Variants in PHACTR1 observed in about 807,000 individuals in gnomAD.
The protein encoded by PHACTR1 is RPEL repeat containing 1.
Under a neutral mutation model 69.2 loss-of-function variants are expected in PHACTR1, and 16 were observed. That is an observed-to-expected ratio of 0.23 (90% CI 0.16 to 0.35). The LOEUF is 0.35. Ranked by LOEUF, PHACTR1 falls within the 10% of genes least tolerant of loss-of-function variation. PHACTR1 has a pLI of 1.00. For missense variants in PHACTR1, 510 were observed against 734.7 expected (o/e 0.69, Z 3.54); for synonymous variants, 312 against 284.5 (o/e 1.10, Z -0.97).
intron 10 of PHACTR1, among the ~76,000 whole-genome samples, chr6:13,271,919 T>C (rs1019985384): frequency 2.0e-5 from 3 of 152,178 alleles, no homozygotes; most frequent in Non-Finnish European, 4.4e-5. Flanking sequence ...TAGGAGAGCA[T>C]CATTTCTACC....
chr6:12,933,733 C>T lies in PHACTR1; in HGVS notation c.251-119632C>T, dbSNP rs530975447. On this transcript the variant is annotated intron_variant, in intron 4 of 14. Coordinates refer to ENST00000332995, the MANE Select transcript of PHACTR1 (RefSeq NM_030948.6). ...TCGAACTGTGTTCCCTGGAAAACCA[C>T]GGCCTCCTGAAGACAGCCCCTACAT... The T allele has an allele frequency of 9.2e-5, 148 of 1,612,816 alleles. 1 individual carries two copies. The highest frequency in any genetic ancestry group is 3.3e-4 in the Middle Eastern group (2 of 6,062).
At chr6:12,736,857 T>C (rs1283437463) in intron 3 of PHACTR1, among the ~76,000 whole-genome samples, 1 of 152,178 alleles carries the variant, frequency 6.6e-6, no homozygotes, top group Non-Finnish European at 1.5e-5. Context: ...AATAACGTTT[T>C]ACTCCATTTG....
chr6:13,261,195 A>G (rs2127419648), intron 10 of PHACTR1, among the ~76,000 whole-genome samples: 1 of 152,340 alleles, frequency 6.6e-6, no homozygotes, highest in Middle Eastern at 3.4e-3. Context: ...GAGGTCTGGC[A>G]GCCAAGAGCA....
At chr6:12,783,205 C>A (rs1428566074) in intron 4 of PHACTR1, among the ~76,000 whole-genome samples, 1 of 152,198 alleles carries the variant, frequency 6.6e-6, no homozygotes, top group African/African-American at 2.4e-5. Context: ...TGTCATCTCC[C>A]TGCATCCATT....
intron 7 of PHACTR1, among the ~76,000 whole-genome samples, chr6:13,186,615 C>G (rs1190430660): frequency 6.6e-6 from 1 of 152,044 alleles, no homozygotes; most frequent in African/African-American, 2.4e-5. Flanking sequence ...CAAAATAAAC[C>G]CCTACATGTA....
chr6:13,048,425 C>T (rs1353278973), intron 4 of PHACTR1, among the ~76,000 whole-genome samples: 1 of 152,170 alleles, frequency 6.6e-6, no homozygotes, highest in African/African-American at 2.4e-5. Context: ...TGGCAGGCCA[C>T]GCCCTGCTCT....
At chr6:12,896,512 A>AC (rs1288015787) in intron 4 of PHACTR1, among the ~76,000 whole-genome samples, 1 of 152,136 alleles carries the variant, frequency 6.6e-6, no homozygotes, top group Non-Finnish European at 1.5e-5. Context: ...ACGGAGGCCC[A>AC]CCCCAACCCT....
intron 5 of PHACTR1, among the ~76,000 whole-genome samples, chr6:13,080,345 T>G (rs1464889244): frequency 6.6e-6 from 1 of 152,178 alleles, no homozygotes; most frequent in Non-Finnish European, 1.5e-5. Flanking sequence ...TTGTTGAGCA[T>G]GAACTTATTC....
At chr6:12,904,707 G>A (rs1785543691) in intron 4 of PHACTR1, among the ~76,000 whole-genome samples, 1 of 151,946 alleles carries the variant, frequency 6.6e-6, no homozygotes, top group African/African-American at 2.4e-5. Context: ...TACATACCCC[G>A]AGGCACTGAC....
At chr6:12,887,301 C>T (rs1783739988) in intron 4 of PHACTR1, among the ~76,000 whole-genome samples, 1 of 152,210 alleles carries the variant, frequency 6.6e-6, no homozygotes, top group African/African-American at 2.4e-5. Context: ...AAATGCCAGG[C>T]ACCTGAAGAC....
chr6:13,036,938 A>G (rs186628314), intron 4 of PHACTR1, among the ~76,000 whole-genome samples: 1 of 152,156 alleles, frequency 6.6e-6, no homozygotes. Context: ...GTTACTTCCT[A>G]TGTGTCATAA....
At chr6:12,982,451 C>T (rs913277065) in intron 4 of PHACTR1, among the ~76,000 whole-genome samples, 4 of 152,168 alleles carry the variant, frequency 2.6e-5, no homozygotes, top group African/African-American at 4.8e-5. Flanking sequence ...GAGGCCAAGG[C>T]GGGTGGATCA....
chr6:13,065,050 G>A (rs1808417520), intron 5 of PHACTR1, among the ~76,000 whole-genome samples: 2 of 152,050 alleles, frequency 1.3e-5, no homozygotes, highest in African/African-American at 4.8e-5. Context: ...CACTGAAGAG[G>A]AGCAGATTTG....
At chr6:13,163,702 A>C (rs1048437460) in intron 6 of PHACTR1, among the ~76,000 whole-genome samples, 9 of 152,192 alleles carry the variant, frequency 5.9e-5, no homozygotes, top group Non-Finnish European at 8.8e-5. Flanking sequence ...GAGCCCTGGA[A>C]TCAGTTTCAA....
chr6:13,174,069 C>G (rs185594476), intron 6 of PHACTR1, among the ~76,000 whole-genome samples: 1 of 151,932 alleles, frequency 6.6e-6, no homozygotes, highest in African/African-American at 2.4e-5. Flanking sequence ...ATATCAATGT[C>G]AAAAAAGTAC....
chr6:12,814,843 T>A (rs1407680474), intron 4 of PHACTR1, among the ~76,000 whole-genome samples: 1 of 152,248 alleles, frequency 6.6e-6, no homozygotes, highest in Non-Finnish European at 1.5e-5. Context: ...GGGAGGCTGC[T>A]TTATGCAACC....
chr6:13,229,113 CT>C (rs1770331316), intron 9 of PHACTR1, among the ~76,000 whole-genome samples: 1 of 152,198 alleles, frequency 6.6e-6, no homozygotes, highest in South Asian at 2.1e-4. Context: ...TGCTCAGCCC[CT>C]GTTTGCTGTT....
intron 7 of PHACTR1, among the ~76,000 whole-genome samples, chr6:13,185,466 A>G (rs200819029): frequency 1.6e-3 from 5 of 3,164 alleles, no homozygotes; most frequent in African/African-American, 5.2e-3. Context: ...TCTCTTAGGG[A>G]AAAAAAAAAA....
chr6:12,931,003 CAAAAAAAAAAA>C (rs34965562), intron 4 of PHACTR1, among the ~76,000 whole-genome samples: 2 of 86,188 alleles, frequency 2.3e-5, no homozygotes, highest in East Asian at 3.8e-4. Flanking sequence ...AACTCTGTCT[CAAAAAAAAAAA>C]AAAAAAAAAA....
Sources: gnomAD v4.1 joint callset for allele counts (sites outside exome capture counted in the v4.1 genomes callset) on GRCh38, gnomAD v4.1.1 for gene constraint, MANE v1.5 for transcripts, NCBI Gene and HGNC (gene_info 2026-07-23, HGNC 2026-07-21) for gene names.